The following RNFT2 variants were observed in gnomAD, a reference collection of about 807,000 sequenced individuals.
RNFT2 encodes E3 ubiquitin-protein ligase RNFT2.
A neutral mutation model predicts 53.0 loss-of-function variants in RNFT2; 36 were observed. The ratio of observed to expected loss-of-function variants is 0.68; its 90% CI spans 0.52 to 0.90. The LOEUF (loss-of-function observed/expected upper bound fraction) is 0.90, where lower values mean the gene tolerates loss of function less well. Among genes scored for constraint, RNFT2 ranks in the 40% least tolerant of loss-of-function variants. The probability of loss-of-function intolerance (pLI) is 0.00; values close to 1 mark genes in which losing one functional copy is unlikely to be tolerated. For synonymous variants in RNFT2, 260 were observed against 253.2 expected, an observed-to-expected ratio of 1.03 and a Z score of -0.26; for missense variants, 514 against 585.6, an observed-to-expected ratio of 0.88 and a Z score of 1.26.
At chr12:116,847,442 G>A (rs1208102938) in intron 10 of RNFT2, among the ~76,000 whole-genome samples, 2 of 152,122 alleles carry the variant, frequency 1.3e-5, no homozygotes, top group African/African-American at 2.4e-5. Context: ...CTGAGGCACA[G>A]ACAGGTTGCA....
intron 7 of RNFT2, among the ~76,000 whole-genome samples, chr12:116,788,409 C>T (rs1401263695): frequency 1.3e-5 from 2 of 152,202 alleles, no homozygotes; most frequent in Admixed American, 1.3e-4. Context: ...ACTGATTCAT[C>T]TGCCTCAAAG....
intron 6 of RNFT2, among the ~76,000 whole-genome samples, chr12:116,775,982 G>A (rs926273316): frequency 2.0e-5 from 3 of 152,124 alleles, no homozygotes; most frequent in Non-Finnish European, 4.4e-5. Context: ...GACAGAGGTT[G>A]CAGTGAGCCA....
intron 4 of RNFT2, among the ~76,000 whole-genome samples, chr12:116,752,199 AG>A: frequency 1.2e-3 from 2 of 1,662 alleles, no homozygotes; most frequent in East Asian, 0.033. Context: ...AAAAAAAAAG[AG>A]AGAGAGAGAA....
Position 116,784,020 on chromosome 12 carries a change from A to G in RNFT2, c.882+4672A>G, listed in dbSNP as rs372581679. Among the ~76,000 whole-genome samples the G allele has an allele frequency of 3.3e-5, 5 of 152,230 alleles. No homozygotes were observed. The South Asian group carries it at 1.0e-3, about 32-fold the overall frequency. ...CCATTTTCACAGATGTAGAAGCTAC[A>G]GCACAGCACAGAGAGGTTCAGTGAC... On this transcript the variant is annotated intron_variant, in intron 7 of 10. Coordinates refer to ENST00000257575, the MANE Select transcript of RNFT2 (RefSeq NM_001382266.1).
chr12:116,784,174 G>A (rs1361670082), intron 7 of RNFT2, among the ~76,000 whole-genome samples: 1 of 152,238 alleles, frequency 6.6e-6, no homozygotes, highest in Non-Finnish European at 1.5e-5. Context: ...ACTGCACGGG[G>A]CATTGTACAG....
chr12:116,789,185 TAGG>T (rs1342077000), intron 7 of RNFT2, among the ~76,000 whole-genome samples: 1 of 120,574 alleles, frequency 8.3e-6, no homozygotes, highest in African/African-American at 3.3e-5. Context: ...GGGTAAATGG[TAGG>T]AGAGTGGTGG....
chr12:116,806,104 G>T (rs1875036438), intron 7 of RNFT2, among the ~76,000 whole-genome samples: 2 of 152,116 alleles, frequency 1.3e-5, no homozygotes, highest in Non-Finnish European at 2.9e-5. Context: ...ATCTTGGCTG[G>T]GTGCTGAGGC....
chr12:116,838,433 T>C (rs775203647), intron 10 of RNFT2, among the ~76,000 whole-genome samples: 3 of 152,092 alleles, frequency 2.0e-5, no homozygotes, highest in Non-Finnish European at 4.4e-5. Context: ...AATTACTGGG[T>C]CAGAAGGCAC....
rs1592931304 is a variant in RNFT2 at position 116,740,409 on chromosome 12, C to A, written c.-89C>A. 1 of 1,327,054 alleles carries A rather than the reference C, an allele frequency of 7.5e-7. No homozygotes were observed. The allele number at this position is 1,327,054 out of a possible 1,614,324, so 82.2% of individuals were successfully genotyped here. On this transcript the variant is annotated 5_prime_UTR_variant, in exon 2 of 11. Coordinates refer to ENST00000257575, the MANE Select transcript of RNFT2 (RefSeq NM_001382266.1). ...TCTGGAGACGAAGAGGAGGGGGAGG[C>A]CTGTCCTCTCTGGGATCCATTGGTC...
chr12:116,852,375 A>ACTTTCC lies in RNFT2; in HGVS notation c.*2929_*2934dup. 1.6e-6 allele frequency: 2 copies of ACTTTCC among 1,252,360 alleles called. No individual in the cohort carries two copies. Among genetic ancestry groups the ACTTTCC allele is most frequent in the East Asian group, 3.4e-5 (1 of 29,744 alleles). The allele number at this position is 1,252,360 out of a possible 1,614,324, so 77.6% of individuals were successfully genotyped here. On this transcript the variant is annotated 3_prime_UTR_variant, in exon 11 of 11. Coordinates refer to ENST00000257575, the MANE Select transcript of RNFT2 (RefSeq NM_001382266.1). ...TGCCCCTGTGTGCCACCAAACCAGG[A>ACTTTCC]CTTTCCCCTTGGCTTGGCATCCCTG...
intron 7 of RNFT2, among the ~76,000 whole-genome samples, chr12:116,790,594 G>A (rs1361618054): frequency 6.6e-6 from 1 of 152,218 alleles, no homozygotes; most frequent in East Asian, 1.9e-4. Context: ...TCTGATGTCA[G>A]CCTCATGAGG....
chr12:116,750,886 TATATA>T (rs1566069515), intron 4 of RNFT2, among the ~76,000 whole-genome samples: 184 of 4,574 alleles, frequency 0.04, 7 homozygotes, highest in Non-Finnish European at 0.2. Context: ...ATATATTATA[TATATA>T]ATATATATAT....
chr12:116,807,666 A>G (rs982486884), intron 7 of RNFT2, among the ~76,000 whole-genome samples: 3 of 152,210 alleles, frequency 2.0e-5, no homozygotes, highest in Middle Eastern at 3.4e-3. Flanking sequence ...CTCCCTGTGC[A>G]CCTGCAGAAC....
At chr12:116,753,052 A>G (rs1226170304) in intron 4 of RNFT2, among the ~76,000 whole-genome samples, 1 of 151,278 alleles carries the variant, frequency 6.6e-6, no homozygotes, top group African/African-American at 2.4e-5. Flanking sequence ...TGCCTGGGTC[A>G]TGTTTGTCTG....
chr12:116,756,800 A>T (rs1872526971), intron 5 of RNFT2, among the ~76,000 whole-genome samples: 1 of 151,982 alleles, frequency 6.6e-6, no homozygotes, highest in Admixed American at 6.6e-5. Context: ...TTTTTTGGTT[A>T]TGTCCTTTCC....
intron 7 of RNFT2, among the ~76,000 whole-genome samples, chr12:116,792,784 A>G (rs1874316330): frequency 6.6e-6 from 1 of 152,070 alleles, no homozygotes; most frequent in African/African-American, 2.4e-5. Flanking sequence ...CGGGGGGAAG[A>G]CACATTTGTC....
intron 10 of RNFT2, among the ~76,000 whole-genome samples, chr12:116,846,640 T>C (rs1321191146): frequency 1.3e-5 from 2 of 152,028 alleles, no homozygotes; most frequent in Non-Finnish European, 2.9e-5. Context: ...GATTTTTTTA[T>C]TATTATTTCC....
chr12:116,827,449 A>G (rs1382862441), intron 7 of RNFT2, among the ~76,000 whole-genome samples: 1 of 152,220 alleles, frequency 6.6e-6, no homozygotes, highest in Non-Finnish European at 1.5e-5. Flanking sequence ...ACCGAAAGAC[A>G]GGGAAAGAAG....
intron 5 of RNFT2, among the ~76,000 whole-genome samples, chr12:116,765,701 A>G (rs923533845): frequency 6.6e-6 from 1 of 152,162 alleles, no homozygotes; most frequent in Non-Finnish European, 1.5e-5. Flanking sequence ...GAGGATTTCC[A>G]ATTTGTCTTC....
Sources: allele counts gnomAD v4.1 joint callset (sites outside exome capture counted in the v4.1 genomes callset), GRCh38; gene constraint gnomAD v4.1.1; transcripts MANE v1.5; gene names NCBI Gene and HGNC (gene_info 2026-07-23, HGNC 2026-07-21).